Variants in ARID1B observed in about 807,000 individuals in gnomAD.
ARID1B encodes the protein AT-rich interactive domain-containing protein 1B.
Under a neutral mutation model 212.3 loss-of-function variants are expected in ARID1B, and 30 were observed. That is an observed-to-expected ratio of 0.14 (90% confidence interval 0.11 to 0.19). The LOEUF (loss-of-function observed/expected upper bound fraction) is 0.19. ARID1B is among the 10% of genes least tolerant of loss of function. ARID1B has a pLI of 1.00. For missense variants in ARID1B, 2,891 were observed against 3,204.0 expected, an observed-to-expected ratio of 0.90 and a Z score of 2.36; for synonymous variants, 1,402 against 1,301.7, an observed-to-expected ratio of 1.08 and a Z score of -1.66.
At chr6:157,177,443 A>G (rs1323573898) in intron 11 of ARID1B, among the ~76,000 whole-genome samples, 1 of 152,264 alleles carries the variant, frequency 6.6e-6, no homozygotes, top group Non-Finnish European at 1.5e-5. Flanking sequence ...TGCTCTTAAT[A>G]GTGTCCTTAA....
In ARID1B at chr6:157,200,594, A is replaced by G; in HGVS notation, c.4480-111A>G. 1 of 1,252,200 alleles carries G rather than the reference A, an allele frequency of 8.0e-7. No individual in the cohort carries two copies. Among genetic ancestry groups the G allele is most frequent in the South Asian group, 1.5e-5 (1 of 66,864 alleles). The allele number at this position is 1,252,200 out of a possible 1,614,324, so 77.6% of individuals were successfully genotyped here. ...CTCTGTTGTTATAGGAGCTTCCCAT[A>G]TTCATTTTGAAATGAACATTCTAGC... On this transcript the variant is annotated intron_variant, in intron 17 of 19. Transcript: ENST00000636930. This position sits in a 1 kb window ranked among gnomAD's most constrained non-coding sequence, Gnocchi z 4.3.
At chr6:156,867,724 T>G (rs1221292578) in intron 2 of ARID1B, among the ~76,000 whole-genome samples, 2 of 152,214 alleles carry the variant, frequency 1.3e-5, no homozygotes, top group African/African-American at 2.4e-5. Context: ...TGGTGTGACT[T>G]TTAAAAAATG....
At chr6:156,813,989 A>G (rs1379866778) in intron 1 of ARID1B, among the ~76,000 whole-genome samples, 1 of 152,202 alleles carries the variant, frequency 6.6e-6, no homozygotes, top group Non-Finnish European at 1.5e-5. Context: ...GGTAGCCTGC[A>G]CCACGAGAGT....
At position 157,148,746 on chromosome 6, in the gene ARID1B, G is replaced by A; in HGVS notation, c.2884G>A (p.Gly962Ser). The A allele has an allele frequency of 3.7e-6, 6 of 1,613,274 alleles. No homozygotes were observed. Among genetic ancestry groups the A allele is most frequent in the South Asian group, 3.3e-5 (3 of 91,082 alleles). Residue 962 changes from glycine to serine, a missense_variant, in exon 8 of 20, where the codon GGT (glycine) becomes AGT (serine). This residue lies in a region of ARID1B where 1,643 missense variants were observed against 1,544.0 expected (regional missense o/e 1.06). Transcript: ENST00000636930. This position sits in a 1 kb window ranked among gnomAD's most constrained non-coding sequence, Gnocchi z 5.6. ...MHGQGPSQPC[G>S]AVPLGRMPSA... ...TGGACAAGGGCCAAGCCAGCCATGTGGTGCTGTGCCCCTGGGACGAATGCC... is the reference window on the plus strand; with the variant it reads ...TGGACAAGGGCCAAGCCAGCCATGTAGTGCTGTGCCCCTGGGACGAATGCC...
chr6:156,797,413 T>C (rs575551336), intron 1 of ARID1B, among the ~76,000 whole-genome samples: 1 of 152,362 alleles, frequency 6.6e-6, no homozygotes, highest in East Asian at 1.9e-4. Flanking sequence ...TCGCAGCTAT[T>C]TCTCCAGTCT....
intron 6 of ARID1B, among the ~76,000 whole-genome samples, chr6:157,114,886 A>G (rs1348539380): frequency 6.6e-6 from 1 of 152,164 alleles, no homozygotes; most frequent in African/African-American, 2.4e-5. Flanking sequence ...GATGCTGGCA[A>G]CACTGCCTTG....
chr6:157,108,990 T>C (rs759266459), intron 5 of ARID1B, among the ~76,000 whole-genome samples: 2 of 152,192 alleles, frequency 1.3e-5, no homozygotes, highest in Non-Finnish European at 2.9e-5. Context: ...CCTAAACCCC[T>C]GAAAACAATT....
intron 1 of ARID1B, among the ~76,000 whole-genome samples, chr6:156,816,285 TTACTTA>T (rs1038089587): frequency 4.6e-5 from 7 of 152,340 alleles, no homozygotes; most frequent in Non-Finnish European, 8.8e-5. Flanking sequence ...CATAATTTTA[TTACTTA>T]TACTTGACAC....
chr6:157,045,964 G>A (rs760946266), intron 4 of ARID1B, among the ~76,000 whole-genome samples: 6 of 152,074 alleles, frequency 3.9e-5, no homozygotes, highest in African/African-American at 1.2e-4. Context: ...AAGTTCTCCC[G>A]GATGTGGGAA....
intron 3 of ARID1B, among the ~76,000 whole-genome samples, chr6:156,907,742 CAA>C (rs113702446): frequency 2.9e-4 from 35 of 122,584 alleles, no homozygotes; most frequent in Admixed American, 4.7e-4. Flanking sequence ...ACTAAAAATG[CAA>C]AAAAAAAAAA....
At chr6:157,061,873 A>C (rs1783363763) in intron 4 of ARID1B, among the ~76,000 whole-genome samples, 1 of 152,198 alleles carries the variant, frequency 6.6e-6, no homozygotes, top group Non-Finnish European at 1.5e-5. Context: ...AGAACAATTA[A>C]ACTGAAATGT....
chr6:156,938,200 C>T (rs888072125), intron 4 of ARID1B: 1 of 151,696 alleles, frequency 6.6e-6, no homozygotes, highest in Non-Finnish European at 1.5e-5. Context: ...TATGTGGATA[C>T]TTATAATAAG....
intron 4 of ARID1B, among the ~76,000 whole-genome samples, chr6:156,994,238 A>G (rs1778444570): frequency 6.6e-6 from 1 of 152,214 alleles, no homozygotes; most frequent in African/African-American, 2.4e-5. Context: ...TAGATCCTTG[A>G]ACTCTGTTTA....
chr6:156,927,781 C>G (rs183901533), intron 3 of ARID1B, among the ~76,000 whole-genome samples: 202 of 152,314 alleles, frequency 1.3e-3, no homozygotes, highest in African/African-American at 4.4e-3. Flanking sequence ...GTATAAGCTC[C>G]TAGAAACCAT....
At chr6:156,946,010 A>G (rs74826947) in intron 4 of ARID1B, among the ~76,000 whole-genome samples, 6,905 of 152,138 alleles carry the variant, frequency 0.045, 375 homozygotes, top group East Asian at 0.25. Flanking sequence ...CCCTGTCTCA[A>G]CAACGACAAA....
chr6:156,810,973 G>A (rs960673480), intron 1 of ARID1B, among the ~76,000 whole-genome samples: 12 of 152,176 alleles, frequency 7.9e-5, no homozygotes, highest in African/African-American at 2.2e-4. Flanking sequence ...GCTTGGGGTC[G>A]TAGAGGCTGT....
intron 5 of ARID1B, chr6:157,107,892 G>T (rs1786608599): frequency 6.6e-6 from 1 of 152,150 alleles, no homozygotes; most frequent in African/African-American, 2.4e-5. Context: ...ATTGAATTCG[G>T]TTGGTTCGGA....
At chr6:157,041,957 A>G (rs1199560319) in intron 4 of ARID1B, among the ~76,000 whole-genome samples, 1 of 151,920 alleles carries the variant, frequency 6.6e-6, no homozygotes, top group Non-Finnish European at 1.5e-5. Flanking sequence ...GACCTAATGG[A>G]CTTCTTCCTT....
At position 157,148,316 on chromosome 6, in the gene ARID1B, C is replaced by T. The variant is rs1789946538; in HGVS notation, c.2762-308C>T. ...AATGGATTGAGGCAGCACTCGGTGT[C>T]CCTTGCCTATTCATAGGGTTTGTTT... On this transcript the variant is annotated intron_variant, in intron 7 of 19. Coordinates refer to ENST00000636930, the MANE Select transcript of ARID1B (RefSeq NM_001374828.1). This position sits in a 1 kb window ranked among gnomAD's most constrained non-coding sequence, Gnocchi z 5.6. 6.6e-6 allele frequency among the ~76,000 whole-genome samples: 1 copy of T among 151,964 alleles called. No individual in the cohort carries two copies. The highest frequency in any genetic ancestry group is 1.5e-5 in the Non-Finnish European group (1 of 67,996).
Sources: allele counts gnomAD v4.1 joint callset (sites outside exome capture counted in the v4.1 genomes callset), GRCh38; gene constraint gnomAD v4.1.1; regional missense constraint gnomAD v4.1.1; non-coding constraint Gnocchi (gnomAD v3.1); transcripts MANE v1.5; gene names NCBI Gene and HGNC (gene_info 2026-07-23, HGNC 2026-07-21).